Variants in CSMD3 observed in about 807,000 individuals in gnomAD.
The protein encoded by CSMD3 is CUB and Sushi multiple domains 3.
A neutral mutation model predicts 435.2 loss-of-function variants in CSMD3; 177 were observed. That is an observed-to-expected ratio of 0.41 (90% CI 0.36 to 0.46). The LOEUF is 0.46. Among genes scored for constraint, CSMD3 ranks in the 20% least tolerant of loss-of-function variants. CSMD3 has a pLI of 0.34. For missense variants in CSMD3, 4,265 were observed against 4,504.6 expected, an observed-to-expected ratio of 0.95 and a Z score of 1.52; for synonymous variants, 1,656 against 1,520.5, an observed-to-expected ratio of 1.09 and a Z score of -2.07.
chr8:112,544,309 T>C (rs1034169785), intron 27 of CSMD3, among the ~76,000 whole-genome samples: 3 of 152,170 alleles, frequency 2.0e-5, no homozygotes, highest in African/African-American at 7.2e-5. Context: ...ACATATTTAA[T>C]ATATCAGGTA....
intron 16 of CSMD3, among the ~76,000 whole-genome samples, chr8:112,670,796 CAA>C (rs1331916491): frequency 6.6e-6 from 1 of 151,872 alleles, no homozygotes; most frequent in Non-Finnish European, 1.5e-5. Context: ...TCACAAGAAA[CAA>C]GAGAAAATAG....
chr8:112,765,139 A>T (rs1303958707), intron 13 of CSMD3, among the ~76,000 whole-genome samples: 1 of 151,720 alleles, frequency 6.6e-6, no homozygotes, highest in Admixed American at 6.6e-5. Flanking sequence ...AGTCACTAAA[A>T]GTAAAAAGGA....
At chr8:112,886,693 C>T (rs1484359233) in intron 10 of CSMD3, among the ~76,000 whole-genome samples, 1 of 151,286 alleles carries the variant, frequency 6.6e-6, no homozygotes, top group Non-Finnish European at 1.5e-5. Context: ...CTATTATATT[C>T]TTGGAGAACT....
intron 6 of CSMD3, among the ~76,000 whole-genome samples, chr8:113,008,635 T>C (rs898827685): frequency 6.6e-6 from 1 of 151,726 alleles, no homozygotes; most frequent in African/African-American, 2.4e-5. Context: ...TAGGCTACAT[T>C]TTAACTGTTG....
intron 68 of CSMD3, among the ~76,000 whole-genome samples, chr8:112,232,950 G>A (rs1279341595): frequency 1.4e-4 from 22 of 152,156 alleles, no homozygotes; most frequent in Non-Finnish European, 7.3e-5. Flanking sequence ...TGCCTCCACA[G>A]CTAACCCATT....
At chr8:112,831,488 C>A (rs1431290967) in intron 11 of CSMD3, among the ~76,000 whole-genome samples, 2 of 151,608 alleles carry the variant, frequency 1.3e-5, no homozygotes, top group Non-Finnish European at 2.9e-5. Context: ...AATTGTTTTA[C>A]CAATTCAAAT....
intron 3 of CSMD3, among the ~76,000 whole-genome samples, chr8:113,194,790 T>G (rs1283269743): frequency 6.6e-6 from 1 of 151,262 alleles, no homozygotes; most frequent in African/African-American, 2.4e-5. Context: ...TTAATAGGCC[T>G]CCATAATCTT....
intron 1 of CSMD3, among the ~76,000 whole-genome samples, chr8:113,357,016 C>T (rs2094234603): frequency 6.6e-6 from 1 of 151,930 alleles, no homozygotes; most frequent in Admixed American, 6.6e-5. Flanking sequence ...CAGAGAGATA[C>T]TTAAAAACTC....
chr8:112,987,110 A>T (rs2085283597), intron 6 of CSMD3, among the ~76,000 whole-genome samples: 1 of 152,036 alleles, frequency 6.6e-6, no homozygotes, highest in African/African-American at 2.4e-5. Flanking sequence ...GATCATATGC[A>T]TATTATTTGG....
At chr8:113,199,146 T>C (rs190484389) in intron 3 of CSMD3, among the ~76,000 whole-genome samples, 2 of 150,648 alleles carry the variant, frequency 1.3e-5, no homozygotes, top group Admixed American at 6.7e-5. Flanking sequence ...CAACAGCACA[T>C]TGAAGACGGT....
intron 4 of CSMD3, among the ~76,000 whole-genome samples, chr8:113,145,089 T>C (rs1407914875): frequency 3.3e-5 from 5 of 151,448 alleles, no homozygotes; most frequent in Admixed American, 1.3e-4. Flanking sequence ...TGTGCAGAAC[T>C]GATAATATAC....
At position 112,263,715 on chromosome 8, in the gene CSMD3, G is replaced by T. The variant is rs1816661933; in HGVS notation, c.9786C>A (p.Gly3262=). 2 of 1,613,686 alleles carry T rather than the reference G, an allele frequency of 1.2e-6. No individual in the cohort carries two copies. The highest frequency in any genetic ancestry group is 1.7e-6 in the Non-Finnish European group (2 of 1,179,700). ...AAACAGCAGGGAAGGATAGCTCATA[G>T]CCTGGAGAACAGATGTAGCTAATAC... ...GFSISYICSP[G]YELSFPAVLT... is the part of the protein sequence containing the mutation. The change falls in exon 61 of 71, where the codon GGC becomes GGA. Residue 3262 remains glycine (G), a synonymous_variant. Coordinates refer to ENST00000297405, the MANE Select transcript of CSMD3 (RefSeq NM_198123.2).
chr8:112,272,026 C>A (rs1817573369), intron 59 of CSMD3, among the ~76,000 whole-genome samples: 1 of 152,112 alleles, frequency 6.6e-6, no homozygotes, highest in African/African-American at 2.4e-5. Flanking sequence ...TCACCTTCTG[C>A]CAGTCAGGGC....
At chr8:112,949,821 G>A (rs1393227352) in intron 8 of CSMD3, among the ~76,000 whole-genome samples, 2 of 151,858 alleles carry the variant, frequency 1.3e-5, no homozygotes, top group African/African-American at 2.4e-5. Context: ...CCCAAGTCCC[G>A]TTGTCTGTTC....
chr8:112,917,863 T>G (rs1473538228), intron 10 of CSMD3, among the ~76,000 whole-genome samples: 1 of 151,992 alleles, frequency 6.6e-6, no homozygotes, highest in Non-Finnish European at 1.5e-5. Flanking sequence ...TCCCCAGATG[T>G]GTCAATTCAC....
intron 5 of CSMD3, among the ~76,000 whole-genome samples, chr8:113,056,812 C>A (rs2088362370): frequency 6.6e-6 from 1 of 152,160 alleles, no homozygotes; most frequent in Non-Finnish European, 1.5e-5. Context: ...ATAGCCAAAG[C>A]ATTTTTTATA....
chr8:112,310,878 A>G (rs1821915198), intron 50 of CSMD3, 100 bp downstream of exon 50: 2 of 965,752 alleles, frequency 2.1e-6, no homozygotes, highest in Non-Finnish European at 1.6e-6. Flanking sequence ...ATGCTTCCGA[A>G]TATTTCCATT....
At position 112,859,281 on chromosome 8, in the gene CSMD3, G is replaced by A; in HGVS notation, c.1634-15C>T. 6.2e-7 allele frequency: 1 copy of A among 1,607,058 alleles called. No homozygotes were observed. The highest frequency in any genetic ancestry group is 1.1e-5 in the South Asian group (1 of 90,938). On this transcript the variant is annotated splice_polypyrimidine_tract_variant and intron_variant, in intron 10 of 70. Transcript: ENST00000297405. ...ACACGTTTTCACTAAAAGAGAAATT[G>A]CATTTTAAAAGATGAACATATGTCA... is the stretch of plus-strand genomic sequence containing the variant.
chr8:113,272,953 A>C (rs982331053), intron 3 of CSMD3, among the ~76,000 whole-genome samples: 1 of 152,034 alleles, frequency 6.6e-6, no homozygotes, highest in African/African-American at 2.4e-5. Flanking sequence ...AATAGGGATA[A>C]TATAGTTAAC....
Sources: allele counts gnomAD v4.1 joint callset (sites outside exome capture counted in the v4.1 genomes callset), GRCh38; gene constraint gnomAD v4.1.1; transcripts MANE v1.5; gene names NCBI Gene and HGNC (gene_info 2026-07-23, HGNC 2026-07-21).